The following TENM2 variants were observed in gnomAD, a reference collection of about 807,000 sequenced individuals.
TENM2 encodes the protein teneurin transmembrane protein 2, also known as teneurin-2.
In TENM2, 52 loss-of-function variants were observed where a neutral mutation model predicts 245.2. The ratio of observed to expected loss-of-function variants is 0.21; its 90% CI spans 0.17 to 0.27. The LOEUF is 0.27. TENM2 is among the 10% of genes least tolerant of loss of function. The probability of loss-of-function intolerance (pLI) is 1.00; values close to 1 mark genes in which losing one functional copy is unlikely to be tolerated. For synonymous variants in TENM2, 1,363 were observed against 1,438.9 expected, an observed-to-expected ratio of 0.95 and a Z score of 1.19; for missense variants, 3,046 against 3,666.8, an observed-to-expected ratio of 0.83 and a Z score of 4.37.
At chr5:167,386,874 ATTTT>A (rs1281864715) in intron 2 of TENM2, among the ~76,000 whole-genome samples, 2 of 151,850 alleles carry the variant, frequency 1.3e-5, no homozygotes, top group African/African-American at 2.4e-5. Context: ...TTATATACCT[ATTTT>A]TATACCAGTA....
At chr5:167,648,163 G>T (rs1226324297) in intron 2 of TENM2, among the ~76,000 whole-genome samples, 1 of 152,162 alleles carries the variant, frequency 6.6e-6, no homozygotes, top group Admixed American at 6.5e-5. Context: ...AGCATCATGG[G>T]AAATGACCCA....
chr5:167,522,404 T>A (rs75018194), intron 2 of TENM2, among the ~76,000 whole-genome samples: 3,704 of 152,140 alleles, frequency 0.024, 147 homozygotes, highest in East Asian at 0.2. Flanking sequence ...GGATGAGATG[T>A]GAAATGAGTA....
chr5:168,094,011 A>G, intron 8 of TENM2, among the ~76,000 whole-genome samples: 1 of 151,118 alleles, frequency 6.6e-6, no homozygotes, highest in African/African-American at 2.5e-5. Context: ...ATACACATAG[A>G]CATACACATA....
intron 13 of TENM2, among the ~76,000 whole-genome samples, chr5:168,169,121 C>T (rs1368580812): frequency 1.3e-5 from 2 of 152,142 alleles, no homozygotes; most frequent in Non-Finnish European, 2.9e-5. Flanking sequence ...AGCAAAGGGA[C>T]TGTCACGTGT....
chr5:167,815,036 A>G (rs970918466), intron 2 of TENM2, among the ~76,000 whole-genome samples: 1 of 152,144 alleles, frequency 6.6e-6, no homozygotes, highest in Non-Finnish European at 1.5e-5. Context: ...CTGTCTCCCT[A>G]CAGAGACGTC....
At chr5:168,156,256 A>AAAAAAAC (rs1554210149) in intron 12 of TENM2, among the ~76,000 whole-genome samples, 3 of 149,510 alleles carry the variant, frequency 2.0e-5, no homozygotes, top group African/African-American at 7.5e-5. Context: ...TTAAAAAAAA[A>AAAAAAAC]AAAAAAAAAA....
At chr5:167,507,265 A>G (rs1005284598) in intron 2 of TENM2, among the ~76,000 whole-genome samples, 1 of 152,228 alleles carries the variant, frequency 6.6e-6, no homozygotes, top group Non-Finnish European at 1.5e-5. Flanking sequence ...TTAGTTATTT[A>G]ACTTTTTAGA....
the TENM2 span, among the ~76,000 whole-genome samples, chr5:167,002,596 A>G: frequency 6.6e-6 from 1 of 151,972 alleles, no homozygotes; most frequent in Non-Finnish European, 1.5e-5. Context: ...CTTGTGACCA[A>G]GAGTTCCAGA....
chr5:167,985,742 C>A (rs1783196534), intron 4 of TENM2, among the ~76,000 whole-genome samples: 1 of 152,142 alleles, frequency 6.6e-6, no homozygotes, highest in Non-Finnish European at 1.5e-5. Context: ...TAAGGGGATC[C>A]CCCTGGTTGC....
At chr5:167,507,953 A>G (rs923543581) in intron 2 of TENM2, among the ~76,000 whole-genome samples, 1 of 152,128 alleles carries the variant, frequency 6.6e-6, no homozygotes, top group African/African-American at 2.4e-5. Flanking sequence ...GTTAAATAAT[A>G]GTTCACAAAT....
the TENM2 span, among the ~76,000 whole-genome samples, chr5:167,130,786 C>T: frequency 6.6e-6 from 1 of 151,546 alleles, no homozygotes; most frequent in African/African-American, 2.4e-5. Context: ...TAGTCCCATC[C>T]TTTTATTTAC....
intron 2 of TENM2, among the ~76,000 whole-genome samples, chr5:167,781,450 A>G (rs1764181605): frequency 6.6e-6 from 1 of 152,228 alleles, no homozygotes. Flanking sequence ...TAATATGTGA[A>G]GGAAGTAGGC....
intron 2 of TENM2, among the ~76,000 whole-genome samples, chr5:167,421,699 A>C (rs1763515644): frequency 6.6e-6 from 1 of 152,226 alleles, no homozygotes; most frequent in South Asian, 2.1e-4. Context: ...AAAATAGACA[A>C]TAGGAACATC....
chr5:167,989,385 T>A (rs149363820), intron 4 of TENM2, among the ~76,000 whole-genome samples: 2 of 150,618 alleles, frequency 1.3e-5, no homozygotes, highest in African/African-American at 4.9e-5. Flanking sequence ...TGGATAGGAG[T>A]TAGCTAGGAT....
chr5:167,819,213 G>A (rs1259264406), intron 2 of TENM2, among the ~76,000 whole-genome samples: 13 of 152,040 alleles, frequency 8.6e-5, no homozygotes, highest in Admixed American at 5.2e-4. Context: ...TCCCCTGTCC[G>A]GGCTCTTTTC....
At chr5:167,541,553 A>T (rs1772214999) in intron 2 of TENM2, among the ~76,000 whole-genome samples, 1 of 152,198 alleles carries the variant, frequency 6.6e-6, no homozygotes, top group African/African-American at 2.4e-5. Context: ...AAAGAGAGAT[A>T]GCCGTCTCAC....
intron 3 of TENM2, 64 bp downstream of exon 5, chr5:167,876,259 C>T (rs1773418397): frequency 7.5e-7 from 1 of 1,339,478 alleles, no homozygotes; most frequent in Non-Finnish European, 1.0e-6. Flanking sequence ...GATTCTCCAC[C>T]AAAATGACAA....
intron 1 of TENM2, among the ~76,000 whole-genome samples, chr5:167,312,003 C>T (rs1330587393): frequency 6.6e-6 from 1 of 152,102 alleles, no homozygotes; most frequent in Non-Finnish European, 1.5e-5. Flanking sequence ...TCCCTTAAAC[C>T]TCAATTTCTT....
At chr5:167,106,136 G>C in the TENM2 span, among the ~76,000 whole-genome samples, 1 of 151,990 alleles carries the variant, frequency 6.6e-6, no homozygotes, top group Non-Finnish European at 1.5e-5. Context: ...TCTTGGCTCT[G>C]TGCCTGGTAC....
Sources: gnomAD v4.1 joint callset for allele counts (sites outside exome capture counted in the v4.1 genomes callset) on GRCh38, gnomAD v4.1.1 for gene constraint, MANE v1.5 for transcripts, NCBI Gene and HGNC (gene_info 2026-07-23, HGNC 2026-07-21) for gene names.